FAM107B: variants seen among roughly 807,000 people sequenced by gnomAD.
FAM107B encodes the protein family with sequence similarity 107 member B.
FAM107B carries 21 observed loss-of-function variants against 31.5 expected under a neutral mutation model. The observed-to-expected ratio is 0.67, with a 90% confidence interval of 0.47 to 0.96. The LOEUF is 0.96. Ranked by LOEUF, FAM107B falls within the 40% of genes least tolerant of loss-of-function variation. The pLI, the probability that FAM107B is intolerant of heterozygous loss-of-function variation, is 0.00. For missense variants in FAM107B, 452 were observed against 377.1 expected (o/e 1.20, Z -1.64); for synonymous variants, 157 against 141.5 (o/e 1.11, Z -0.78).
chr10:14,648,794 A>G (rs1853829660), intron 2 of FAM107B, among the ~76,000 whole-genome samples: 2 of 152,194 alleles, frequency 1.3e-5, no homozygotes, highest in African/African-American at 2.4e-5. Context: ...CCATTCTCCA[A>G]GTTGGTTTAA....
chr10:14,721,015 C>A (rs201279160), intron 1 of FAM107B, among the ~76,000 whole-genome samples: 1 of 151,864 alleles, frequency 6.6e-6, no homozygotes. Context: ...CCATGACAGG[C>A]GCCAGTGTGT....
At chr10:14,718,400 A>G (rs1079102) in intron 1 of FAM107B, among the ~76,000 whole-genome samples, 19,272 of 148,494 alleles carry the variant, frequency 0.13, 1,557 homozygotes, top group African/African-American at 0.23. Flanking sequence ...AAAGGAAAGG[A>G]AGAAAGAAAG....
intron 2 of FAM107B, among the ~76,000 whole-genome samples, chr10:14,543,812 ATT>A (rs1040137190): frequency 2.6e-5 from 4 of 151,928 alleles, no homozygotes; most frequent in African/African-American, 9.7e-5. Flanking sequence ...GAGATCCCTT[ATT>A]AGTGAAATGT....
At chr10:14,663,812 T>A (rs1326216834) in intron 2 of FAM107B, among the ~76,000 whole-genome samples, 1 of 139,276 alleles carries the variant, frequency 7.2e-6, no homozygotes, top group Non-Finnish European at 1.5e-5. Context: ...ATCACGTGGG[T>A]GGCTCCTACG....
At chr10:14,563,629 C>T (rs1337312940) in intron 2 of FAM107B, among the ~76,000 whole-genome samples, 1 of 152,148 alleles carries the variant, frequency 6.6e-6, no homozygotes, top group African/African-American at 2.4e-5. Flanking sequence ...TGTAACTAAC[C>T]TTTCAGACAC....
chr10:14,719,040 T>C (rs1237998166), intron 1 of FAM107B, among the ~76,000 whole-genome samples: 1 of 152,222 alleles, frequency 6.6e-6, no homozygotes, highest in African/African-American at 2.4e-5. Context: ...TCAGGCCTTC[T>C]CCACGTCTAG....
chr10:14,751,703 A>G (rs556066861), intron 1 of FAM107B, among the ~76,000 whole-genome samples: 36 of 152,034 alleles, frequency 2.4e-4, no homozygotes, highest in Non-Finnish European at 4.6e-4. Flanking sequence ...AACTGTGAGG[A>G]GTCCTGGGAT....
intron 1 of FAM107B, among the ~76,000 whole-genome samples, chr10:14,677,357 C>T (rs1329249641): frequency 6.6e-6 from 1 of 152,188 alleles, no homozygotes; most frequent in African/African-American, 2.4e-5. Context: ...CGCGGTGGCT[C>T]AATCCTGTAA....
intron 1 of FAM107B, among the ~76,000 whole-genome samples, chr10:14,725,821 C>CTTTTTTTTTTTTT: frequency 1.1e-5 from 1 of 94,298 alleles, no homozygotes; most frequent in Non-Finnish European, 1.9e-5. Flanking sequence ...CAGTCAAATC[C>CTTTTTTTTTTTTT]TTTTTTTTTT....
chr10:14,556,440 T>G, intron 2 of FAM107B: 1 of 984,652 alleles, frequency 1.0e-6, no homozygotes, highest in Non-Finnish European at 1.2e-6. Flanking sequence ...GCACTCAGCA[T>G]GCCAGAGAGC....
At chr10:14,737,604 A>G (rs1469025512) in intron 1 of FAM107B, among the ~76,000 whole-genome samples, 1 of 150,668 alleles carries the variant, frequency 6.6e-6, no homozygotes, top group Non-Finnish European at 1.5e-5. Context: ...ACAGAGAGAG[A>G]CTCGGCCTCC....
rs1301750519 is a variant in FAM107B, at chr10:14,626,355, T to C, written c.469+41279A>G. Among the ~76,000 whole-genome samples the C allele has an allele frequency of 2.0e-5, 3 of 152,316 alleles. No individual in the cohort carries two copies. The East Asian group carries it at 5.8e-4, about 29-fold the overall frequency. ...ACAGTTTTCAGTCAGACTGTGCAAT[T>C]GTCTAAGAGCCGGAAATGTTGGAAT... is the stretch of plus-strand genomic sequence containing the variant. On this transcript the variant is annotated intron_variant, in intron 2 of 4. Transcript: ENST00000181796.
At chr10:14,564,531 A>G (rs1044166239) in intron 2 of FAM107B, among the ~76,000 whole-genome samples, 3 of 151,886 alleles carry the variant, frequency 2.0e-5, no homozygotes, top group Non-Finnish European at 1.5e-5. Context: ...AAGATAAAAT[A>G]TTATAAAAAC....
At chr10:14,548,847 C>CGCACACACAA (rs1564553201) in intron 2 of FAM107B, among the ~76,000 whole-genome samples, 1 of 151,110 alleles carries the variant, frequency 6.6e-6, no homozygotes, top group African/African-American at 2.4e-5. Context: ...CACACACACA[C>CGCACACACAA]CGACTGAATG....
chr10:14,594,719 C>T (rs973538430), intron 2 of FAM107B, among the ~76,000 whole-genome samples: 1 of 152,180 alleles, frequency 6.6e-6, no homozygotes, highest in African/African-American at 2.4e-5. Context: ...TTGAAAAACA[C>T]TGATCATGGC....
intron 2 of FAM107B, among the ~76,000 whole-genome samples, chr10:14,550,694 TCATTA>T (rs1443567131): frequency 6.6e-6 from 1 of 152,214 alleles, no homozygotes; most frequent in Admixed American, 6.5e-5. Context: ...GTAACAGGAT[TCATTA>T]CCCAAGAACC....
At chr10:14,611,921 T>C (rs1420713778) in intron 2 of FAM107B, among the ~76,000 whole-genome samples, 2 of 152,296 alleles carry the variant, frequency 1.3e-5, no homozygotes, top group Admixed American at 1.3e-4. Context: ...TATATCCTCA[T>C]ACATATAAAA....
intron 2 of FAM107B, among the ~76,000 whole-genome samples, chr10:14,600,402 G>A (rs761989578): frequency 6.6e-6 from 1 of 152,122 alleles, no homozygotes. Context: ...GTTCAGCTAA[G>A]CCCCTACCAG....
chr10:14,579,765 C>T (rs1851575119), intron 2 of FAM107B, among the ~76,000 whole-genome samples: 1 of 152,174 alleles, frequency 6.6e-6, no homozygotes, highest in Non-Finnish European at 1.5e-5. Flanking sequence ...ATGTCTCATG[C>T]CTGTAATCCC....
Sources: gnomAD v4.1 joint callset for allele counts (sites outside exome capture counted in the v4.1 genomes callset) on GRCh38, gnomAD v4.1.1 for gene constraint, MANE v1.5 for transcripts, NCBI Gene and HGNC (gene_info 2026-07-23, HGNC 2026-07-21) for gene names.